The following RBFOX1 variants were observed in gnomAD, a reference collection of about 807,000 sequenced individuals.
RBFOX1 encodes the protein RNA binding fox-1 homolog 1.
Under a neutral mutation model 57.7 loss-of-function variants are expected in RBFOX1, and 8 were observed. The ratio of observed to expected loss-of-function variants is 0.14; its 90% CI spans 0.08 to 0.25. The LOEUF (loss-of-function observed/expected upper bound fraction) is 0.25, where lower values mean the gene tolerates loss of function less well. RBFOX1 is among the 10% of genes least tolerant of loss of function. The pLI is 1.00. For synonymous variants in RBFOX1, 326 were observed against 222.4 expected (o/e 1.47, Z -4.15); for missense variants, 611 against 548.5 (o/e 1.11, Z -1.14).
At chr16:5,967,276 T>A (rs537129348) in intron 4 of RBFOX1, among the ~76,000 whole-genome samples, 1 of 152,234 alleles carries the variant, frequency 6.6e-6, no homozygotes, top group Non-Finnish European at 1.5e-5. Flanking sequence ...TATATCAATC[T>A]ATGAATAATT....
chr16:5,284,853 C>G (rs187501665), intron 1 of RBFOX1, among the ~76,000 whole-genome samples: 3 of 137,232 alleles, frequency 2.2e-5, no homozygotes, highest in African/African-American at 8.1e-5. Flanking sequence ...GATGGAGATT[C>G]TCTTATAAGG....
intron 1 of RBFOX1, among the ~76,000 whole-genome samples, chr16:6,260,486 A>T (rs1175537916): frequency 6.6e-6 from 1 of 152,182 alleles, no homozygotes; most frequent in Non-Finnish European, 1.5e-5. Flanking sequence ...AGTGGAACAG[A>T]ATGGTAGAGA....
At chr16:5,478,624 G>A (rs2069414373) in intron 2 of RBFOX1, among the ~76,000 whole-genome samples, 1 of 152,194 alleles carries the variant, frequency 6.6e-6, no homozygotes, top group Non-Finnish European at 1.5e-5. Context: ...ATGTGCAGAA[G>A]GGGAACAAAT....
chr16:7,650,021 G>GGAAGACAA (rs2144460761), intron 11 of RBFOX1, among the ~76,000 whole-genome samples: 1 of 37,290 alleles, frequency 2.7e-5, no homozygotes, highest in East Asian at 2.0e-3. Context: ...AAGACAAAAG[G>GGAAGACAA]AAGAAAGAGG....
At chr16:6,099,164 G>C (rs2096277432) in intron 1 of RBFOX1, among the ~76,000 whole-genome samples, 2 of 152,282 alleles carry the variant, frequency 1.3e-5, no homozygotes, top group South Asian at 4.1e-4. Flanking sequence ...CACTCACCTG[G>C]GGGAATGGAT....
intron 3 of RBFOX1, among the ~76,000 whole-genome samples, chr16:6,919,666 T>C (rs1399796501): frequency 6.6e-6 from 1 of 152,066 alleles, no homozygotes; most frequent in African/African-American, 2.4e-5. Context: ...AAAATCCAGA[T>C]TGAATCCAGA....
chr16:7,374,903 C>T (rs924529143), intron 4 of RBFOX1, among the ~76,000 whole-genome samples: 6 of 152,106 alleles, frequency 3.9e-5, no homozygotes, highest in East Asian at 1.9e-4. Flanking sequence ...CATGACCTGC[C>T]AGCACTAGTA....
chr16:6,797,555 T>G (rs1278559961), intron 3 of RBFOX1, among the ~76,000 whole-genome samples: 4 of 152,052 alleles, frequency 2.6e-5, no homozygotes, highest in Non-Finnish European at 4.4e-5. Flanking sequence ...TATATTACAA[T>G]GGGGGTAAAA....
intron 1 of RBFOX1, among the ~76,000 whole-genome samples, chr16:6,262,026 C>G (rs1048948097): frequency 7.3e-5 from 11 of 151,258 alleles, no homozygotes; most frequent in African/African-American, 2.4e-4. Flanking sequence ...GAGGCTCTGT[C>G]TCAGAAAAAC....
intron 2 of RBFOX1, among the ~76,000 whole-genome samples, chr16:6,335,350 C>G (rs559951021): frequency 7.2e-5 from 11 of 152,108 alleles, no homozygotes; most frequent in Non-Finnish European, 1.6e-4. Context: ...ATGCATCTCT[C>G]TAAACAAATA....
At chr16:7,444,187 C>T (rs565882341) in intron 4 of RBFOX1, among the ~76,000 whole-genome samples, 2 of 152,226 alleles carry the variant, frequency 1.3e-5, no homozygotes, top group South Asian at 2.1e-4. Context: ...GCAGGTCTTC[C>T]GTGTTAAGTC....
At chr16:5,929,776 C>G (rs924612127) in intron 4 of RBFOX1, among the ~76,000 whole-genome samples, 5 of 152,020 alleles carry the variant, frequency 3.3e-5, no homozygotes, top group African/African-American at 1.2e-4. Context: ...TTGCTGTGTG[C>G]CACACGCTGG....
intron 3 of RBFOX1, among the ~76,000 whole-genome samples, chr16:6,925,371 T>C (rs8052761): frequency 0.69 from 104,722 of 151,098 alleles, 36,347 homozygotes; most frequent in Non-Finnish European, 0.71. Context: ...GCGATCTACC[T>C]GCCTTGGTCT....
intron 1 of RBFOX1, among the ~76,000 whole-genome samples, chr16:5,456,519 T>C (rs1330594859): frequency 6.6e-6 from 1 of 152,232 alleles, no homozygotes; most frequent in Non-Finnish European, 1.5e-5. Flanking sequence ...ATGTTTCTGA[T>C]TGATACCACT....
rs1263087753 is a variant in RBFOX1, at chr16:6,450,790, CATATATATATGTATATATATATATAT to C, written c.-64+133735_-64+133760del. On this transcript the variant is annotated intron_variant, in intron 2 of 15. Coordinates refer to ENST00000550418, the MANE Select transcript of RBFOX1 (RefSeq NM_018723.4). The stretch of plus-strand genomic sequence containing the variant: ...GTGTATATATATATATATATATATA[CATATATATATGTATATATATATATAT>C]ACATATATATATATATATATGTGTA... Among the ~76,000 whole-genome samples, 8 of 35,158 alleles carry C rather than the reference CATATATATATGTATATATATATATAT, an allele frequency of 2.3e-4. 1 individual carries two copies. The highest frequency in any genetic ancestry group is 2.1e-3 in the East Asian group (3 of 1,448). The allele number at this position is 35,158 out of a possible 152,430, so 23.1% of individuals were successfully genotyped here. A position where few individuals can be genotyped will look rare whatever the true frequency, so the allele number is the denominator to read the frequency against.
At chr16:7,664,570 G>C (rs149048027) in intron 12 of RBFOX1, among the ~76,000 whole-genome samples, 153 of 152,238 alleles carry the variant, frequency 1.0e-3, no homozygotes, top group African/African-American at 3.5e-3. Context: ...TATGTGGTTT[G>C]ATTGCCAACT....
At chr16:6,153,791 C>G (rs184349687) in intron 1 of RBFOX1, among the ~76,000 whole-genome samples, 1 of 152,310 alleles carries the variant, frequency 6.6e-6, no homozygotes, top group African/African-American at 2.4e-5. Context: ...CCACCTCTTC[C>G]TCCCAAAGTG....
chr16:7,669,904 G>C (rs2070812788), intron 13 of RBFOX1, among the ~76,000 whole-genome samples: 1 of 152,184 alleles, frequency 6.6e-6, no homozygotes, highest in African/African-American at 2.4e-5. Flanking sequence ...AGTCCACCAA[G>C]AAATCAGGCG....
intron 1 of RBFOX1, among the ~76,000 whole-genome samples, chr16:6,127,398 C>T (rs895901044): frequency 1.3e-5 from 2 of 151,880 alleles, no homozygotes; most frequent in African/African-American, 2.4e-5. Context: ...TCATGTGGAC[C>T]TTTTAATTCA....
Sources: gnomAD v4.1 joint callset for allele counts (sites outside exome capture counted in the v4.1 genomes callset) on GRCh38, gnomAD v4.1.1 for gene constraint, MANE v1.5 for transcripts, NCBI Gene and HGNC (gene_info 2026-07-23, HGNC 2026-07-21) for gene names.